The following WT1 variants were observed in gnomAD, a reference collection of about 807,000 sequenced individuals.
The protein encoded by WT1 is WT1 transcription factor, also known as Wilms tumor protein.
Under a neutral mutation model 60.8 loss-of-function variants are expected in WT1, and 8 were observed. The ratio of observed to expected loss-of-function variants is 0.13; its 90% CI spans 0.08 to 0.24. The LOEUF (loss-of-function observed/expected upper bound fraction) is 0.24. Among genes scored for constraint, WT1 ranks in the 10% least tolerant of loss-of-function variants. The pLI, the probability that WT1 is intolerant of heterozygous loss-of-function variation, is 1.00. For missense variants in WT1, 568 were observed against 711.8 expected (o/e 0.80, Z 2.30); for synonymous variants, 312 against 297.1 (o/e 1.05, Z -0.52).
chr11:32,423,442 G>C (rs139699227), intron 3 of WT1, among the ~76,000 whole-genome samples: 1 of 152,210 alleles, frequency 6.6e-6, no homozygotes, highest in Non-Finnish European at 1.5e-5. Context: ...CAGGGAAAAC[G>C]CTGTCCCAAA....
chr11:32,415,377 G>C (rs775233006), intron 5 of WT1, among the ~76,000 whole-genome samples: 1 of 152,208 alleles, frequency 6.6e-6, no homozygotes, highest in Admixed American at 6.5e-5. Context: ...GGCCAGGCAC[G>C]GTGGCTCACG....
chr11:32,410,565 G>GT (rs1852465355), intron 5 of WT1, among the ~76,000 whole-genome samples: 2 of 151,862 alleles, frequency 1.3e-5, no homozygotes, highest in Admixed American at 6.6e-5. Context: ...ACCTCAAAAT[G>GT]TTTTTTTAAA....
rs1449592892 is a variant in WT1 at position 32,388,747 on chromosome 11, G to A, written c.*311C>T. 2 of 466,792 alleles carry A rather than the reference G, an allele frequency of 4.3e-6. No individual in the cohort carries two copies. Among genetic ancestry groups the A allele is most frequent in the East Asian group, 3.6e-5 (1 of 27,894 alleles). 28.9% of individuals were successfully genotyped at this position (466,792 alleles called of 1,614,324 possible). A position where few individuals can be genotyped will look rare whatever the true frequency, so the allele number is the denominator to read the frequency against. Reference sequence around the variant, plus strand: ...GCATAAAAAAAGAAGGGAAGGGTCAGGGGGACATGATCAGCTATGGCTCTT... The same window carrying A: ...GCATAAAAAAAGAAGGGAAGGGTCAAGGGGACATGATCAGCTATGGCTCTT... On this transcript the variant is annotated 3_prime_UTR_variant, in exon 10 of 10. Coordinates refer to ENST00000452863, the MANE Select transcript of WT1 (RefSeq NM_024426.6).
chr11:32,427,831 C>T (rs973485236), intron 3 of WT1, 125 bp downstream of exon 3: 16 of 748,144 alleles, frequency 2.1e-5, no homozygotes, highest in African/African-American at 3.5e-5. Context: ...CGAGGCGTCT[C>T]GTGCCTCCAA....
Position 32,429,462 on chromosome 11 carries a change from T to TCC in WT1, c.662-845_662-844dup, listed in dbSNP as rs10580209. Among the ~76,000 whole-genome samples the TCC allele has an allele frequency of 2.2e-3, 269 of 124,606 alleles. 4 individuals are homozygous for TCC. Among genetic ancestry groups the TCC allele is most frequent in the Middle Eastern group, 4.1e-3 (1 of 244 alleles). The allele number at this position is 124,606 out of a possible 152,430, so 81.7% of individuals were successfully genotyped here. ...TTTCCCCCTAGGGAAATCCTAGCAT[T>TCC]CCCCCCCCCCCCCAAAGTGAGAAAA... On this transcript the variant is annotated intron_variant, in intron 1 of 9. Transcript: ENST00000452863.
intron 3 of WT1, among the ~76,000 whole-genome samples, chr11:32,424,391 A>G (rs1360126310): frequency 6.6e-6 from 1 of 152,188 alleles, no homozygotes; most frequent in Non-Finnish European, 1.5e-5. Context: ...CTCAACGAGT[A>G]GTCAAAAGGG....
chr11:32,388,719 C>T lies in WT1; in HGVS notation c.*339G>A, dbSNP rs544612574. ...ACAATAATTCCATCCCCAGCGAAAA[C>T]GAGCATAAAAAAAGAAGGGAAGGGT... On this transcript the variant is annotated 3_prime_UTR_variant, in exon 10 of 10. Transcript: ENST00000452863. The T allele has an allele frequency of 7.1e-5, 28 of 391,940 alleles. No individual in the cohort carries two copies. Among genetic ancestry groups the T allele is most frequent in the Non-Finnish European group, 1.1e-4 (23 of 213,380 alleles). The allele number at this position is 391,940 out of a possible 1,614,324, so 24.3% of individuals were successfully genotyped here.
At chr11:32,404,601 C>A (rs1045479454) in intron 5 of WT1, among the ~76,000 whole-genome samples, 1 of 152,160 alleles carries the variant, frequency 6.6e-6, no homozygotes, top group Non-Finnish European at 1.5e-5. Flanking sequence ...GACAAAGATA[C>A]TTTAGACAAC....
At chr11:32,416,612 A>G (rs913142631) in intron 4 of WT1, 72 bp from the exon 5 acceptor site, 14 of 1,578,272 alleles carry the variant, frequency 8.9e-6, no homozygotes, top group Middle Eastern at 1.7e-4. Flanking sequence ...CAGATCCCAG[A>G]ATCCAGTGAA....
rs1852668925 is a variant in WT1 at position 32,416,370 on chromosome 11, C to T, written c.1016+120G>A. On this transcript the variant is annotated intron_variant, in intron 5 of 9. Coordinates refer to ENST00000452863, the MANE Select transcript of WT1 (RefSeq NM_024426.6). ...GAGGTGGGGGCGGGGGAGAGAGATT[C>T]TTCCCATCCACCAAATGCTACCCTG... is the stretch of plus-strand genomic sequence containing the variant. The T allele has an allele frequency of 1.5e-5, 19 of 1,257,424 alleles. No homozygotes were observed. In the South Asian group the frequency reaches 2.3e-4, roughly 15 times the overall value. The allele number at this position is 1,257,424 out of a possible 1,614,324, so 77.9% of individuals were successfully genotyped here.
intron 5 of WT1, 43 bp downstream of exon 5, chr11:32,416,447 G>A: frequency 6.2e-7 from 1 of 1,613,500 alleles, no homozygotes; most frequent in Non-Finnish European, 8.5e-7. Flanking sequence ...CAGTCAGCAA[G>A]GCCTACGCCA....
intron 3 of WT1, among the ~76,000 whole-genome samples, chr11:32,427,559 C>A (rs1853096620): frequency 6.6e-6 from 1 of 152,194 alleles, no homozygotes; most frequent in South Asian, 2.1e-4. Flanking sequence ...GCCGAAGGTA[C>A]GCGCCTTCGA....
chr11:32,408,126 G>A (rs1449824061), intron 5 of WT1, among the ~76,000 whole-genome samples: 5 of 151,630 alleles, frequency 3.3e-5, no homozygotes, highest in South Asian at 4.2e-4. Flanking sequence ...GGGAGGCTAA[G>A]GCAGGGGAAT....
chr11:32,389,383 A>C (rs190941620), intron 9 of WT1, among the ~76,000 whole-genome samples: 1 of 152,350 alleles, frequency 6.6e-6, no homozygotes, highest in Admixed American at 6.5e-5. Flanking sequence ...AATATTGTAA[A>C]AAGTTATATT....
rs2133036877 is a variant in WT1, at chr11:32,417,593, C to T, written c.949G>A (p.Gly317Arg). 6.2e-7 allele frequency: 1 copy of T among 1,614,006 alleles called. No homozygotes were observed. The highest frequency in any genetic ancestry group is 8.5e-7 in the Non-Finnish European group (1 of 1,179,946). Residue 317 changes from glycine to arginine, a missense_variant, in exon 4 of 10, where the codon GGA becomes AGA. Coordinates refer to ENST00000452863, the MANE Select transcript of WT1 (RefSeq NM_024426.6). Reference sequence around the variant, plus strand: ...AAACCTTACCCCTTTAAGGTGGCTCCTAAGTTCATCTGATTCCAGGTCATG... The same window carrying T: ...AAACCTTACCCCTTTAAGGTGGCTCTTAAGTTCATCTGATTCCAGGTCATG...
intron 6 of WT1, among the ~76,000 whole-genome samples, chr11:32,397,521 T>C (rs539263996): frequency 6.6e-6 from 1 of 150,902 alleles, no homozygotes; most frequent in East Asian, 2.0e-4. Flanking sequence ...GGTCTCCCTA[T>C]GTTGCTCAGG....
rs1851730480 is a variant in WT1 at position 32,388,701 on chromosome 11, T to C, written c.*357A>G. On this transcript the variant is annotated 3_prime_UTR_variant, in exon 10 of 10. Coordinates refer to ENST00000452863, the MANE Select transcript of WT1 (RefSeq NM_024426.6). ...TCCATGATAGAAAATGGTACAATAATTCCATCCCCAGCGAAAACGAGCATA... is the reference window on the plus strand; with the variant it reads ...TCCATGATAGAAAATGGTACAATAACTCCATCCCCAGCGAAAACGAGCATA... 2 of 389,650 alleles carry C rather than the reference T, an allele frequency of 5.1e-6. No individual in the cohort carries two copies. Among genetic ancestry groups the C allele is most frequent in the South Asian group, 3.6e-5 (1 of 27,940 alleles). The allele number at this position is 389,650 out of a possible 1,614,324, so 24.1% of individuals were successfully genotyped here.
intron 1 of WT1, chr11:32,429,031 C>T: frequency 3.1e-6 from 1 of 327,780 alleles, no homozygotes; most frequent in Non-Finnish European, 6.0e-6. Context: ...AATGAATCTG[C>T]TGGGCTAACC....
At chr11:32,407,193 G>A (rs1852340393) in intron 5 of WT1, among the ~76,000 whole-genome samples, 1 of 152,066 alleles carries the variant, frequency 6.6e-6, no homozygotes, top group Admixed American at 6.6e-5. Flanking sequence ...CACAAATTGT[G>A]AGCCCTCTTC....
Sources: gnomAD v4.1 joint callset for allele counts (sites outside exome capture counted in the v4.1 genomes callset) on GRCh38, gnomAD v4.1.1 for gene constraint, MANE v1.5 for transcripts, NCBI Gene and HGNC (gene_info 2026-07-23, HGNC 2026-07-21) for gene names.